The following DLG2 variants were observed in gnomAD, a reference collection of about 807,000 sequenced individuals.
The protein encoded by DLG2 is disks large homolog 2.
Under a neutral mutation model 132.5 loss-of-function variants are expected in DLG2, and 45 were observed. The ratio of observed to expected loss-of-function variants is 0.34; its 90% confidence interval spans 0.27 to 0.44. The LOEUF is 0.44. DLG2 is among the 20% of genes least tolerant of loss of function. DLG2 has a pLI of 1.00. For synonymous variants in DLG2, 424 were observed against 419.6 expected (o/e 1.01, Z -0.13); for missense variants, 1,045 against 1,196.9 (o/e 0.87, Z 1.87).
At chr11:85,067,779 G>A (rs2065149735) in intron 6 of DLG2, among the ~76,000 whole-genome samples, 1 of 151,986 alleles carries the variant, frequency 6.6e-6, no homozygotes, top group East Asian at 1.9e-4. Flanking sequence ...GAAAAAGAGG[G>A]AATCCTCCCT....
intron 5 of DLG2, among the ~76,000 whole-genome samples, chr11:85,142,595 C>T (rs1002270137): frequency 6.6e-6 from 1 of 151,662 alleles, no homozygotes; most frequent in African/African-American, 2.4e-5. Flanking sequence ...ACTTCCAGTG[C>T]TATATTGAAT....
chr11:85,239,381 A>G (rs1465928638), intron 4 of DLG2, among the ~76,000 whole-genome samples: 1 of 152,070 alleles, frequency 6.6e-6, no homozygotes, highest in Non-Finnish European at 1.5e-5. Flanking sequence ...AGTTTTTTAT[A>G]AAAGATTTCT....
chr11:84,401,328 C>G (rs2098828658), intron 7 of DLG2, among the ~76,000 whole-genome samples: 1 of 152,140 alleles, frequency 6.6e-6, no homozygotes, highest in South Asian at 2.1e-4. Context: ...TTATTATACA[C>G]TTTTCACAAC....
chr11:83,785,984 T>C (rs1410760764), intron 18 of DLG2, among the ~76,000 whole-genome samples: 1 of 152,216 alleles, frequency 6.6e-6, no homozygotes, highest in Admixed American at 6.5e-5. Flanking sequence ...GTACGTTTCA[T>C]TTCCAAAGGA....
chr11:84,862,794 G>A (rs1467482643), intron 6 of DLG2, among the ~76,000 whole-genome samples: 1 of 120,868 alleles, frequency 8.3e-6, no homozygotes, highest in African/African-American at 3.1e-5. Context: ...ACAGGGAGGG[G>A]GACATCACAC....
chr11:83,504,139 A>G (rs2094580511), intron 21 of DLG2, among the ~76,000 whole-genome samples: 1 of 152,236 alleles, frequency 6.6e-6, no homozygotes, highest in Admixed American at 6.5e-5. Context: ...CAAAAGAAGG[A>G]GGAAATCCTT....
chr11:83,881,701 T>A (rs1215806308), intron 15 of DLG2, among the ~76,000 whole-genome samples: 3 of 152,148 alleles, frequency 2.0e-5, no homozygotes, highest in African/African-American at 7.2e-5. Flanking sequence ...CAGACCAATG[T>A]CCACAGCAAG....
intron 10 of DLG2, among the ~76,000 whole-genome samples, chr11:84,095,579 A>G (rs977626421): frequency 2.0e-5 from 3 of 152,156 alleles, no homozygotes; most frequent in African/African-American, 7.2e-5. Context: ...AGTTGAGGCG[A>G]TGGTGTTACT....
chr11:85,596,239 A>T lies in DLG2; in HGVS notation c.40+2418T>A, dbSNP rs7935017. ...CCCATCTCTACAAAAAATACAAAAA[A>T]TTAGCCAGGTGTGGCAGCACGCACC... On this transcript the variant is annotated intron_variant, in intron 3 of 27. Transcript: ENST00000376104. Among the ~76,000 whole-genome samples the T allele has an allele frequency of 9.1e-3, 1,381 of 152,254 alleles. 19 individuals are homozygous for T. The highest frequency in any genetic ancestry group is 0.03 in the African/African-American group (1,231 of 41,546).
intron 2 of DLG2, among the ~76,000 whole-genome samples, chr11:85,607,467 G>A (rs1193611523): frequency 6.6e-6 from 1 of 152,108 alleles, no homozygotes; most frequent in Non-Finnish European, 1.5e-5. Context: ...CTTGCCCCCG[G>A]GTCCTAACGC....
chr11:84,967,973 TG>T (rs1347582857), intron 6 of DLG2, among the ~76,000 whole-genome samples: 4 of 152,052 alleles, frequency 2.6e-5, no homozygotes, highest in South Asian at 2.1e-4. Flanking sequence ...AGCCAATAAA[TG>T]GAAACCATAT....
chr11:85,614,857 C>T (rs1336304220), intron 2 of DLG2, among the ~76,000 whole-genome samples: 1 of 152,176 alleles, frequency 6.6e-6, no homozygotes, highest in African/African-American at 2.4e-5. Context: ...CCCAAGGCTA[C>T]ATAACAGTAA....
chr11:85,517,464 T>C (rs2094191858), intron 3 of DLG2, among the ~76,000 whole-genome samples: 2 of 151,728 alleles, frequency 1.3e-5, no homozygotes, highest in South Asian at 2.1e-4. Flanking sequence ...ATAAACAGCA[T>C]CCAAATTGAA....
intron 17 of DLG2, among the ~76,000 whole-genome samples, chr11:83,810,475 T>C (rs1263301450): frequency 2.0e-5 from 3 of 152,046 alleles, no homozygotes; most frequent in Non-Finnish European, 4.4e-5. Flanking sequence ...AATCCAGGGA[T>C]AGGTATATTT....
intron 9 of DLG2, among the ~76,000 whole-genome samples, chr11:84,124,622 C>G (rs2094080498): frequency 6.6e-6 from 1 of 152,114 alleles, no homozygotes; most frequent in Non-Finnish European, 1.5e-5. Flanking sequence ...TTACCATAAA[C>G]TTGACAATAG....
intron 6 of DLG2, among the ~76,000 whole-genome samples, chr11:85,001,824 G>A (rs1047549890): frequency 2.0e-5 from 3 of 152,146 alleles, no homozygotes; most frequent in Non-Finnish European, 2.9e-5. Context: ...CTCAGGTGAG[G>A]GATGTTAATC....
At chr11:84,497,165 G>T (rs1180274702) in intron 7 of DLG2, among the ~76,000 whole-genome samples, 1 of 152,098 alleles carries the variant, frequency 6.6e-6, no homozygotes, top group Non-Finnish European at 1.5e-5. Context: ...CATATAAGAT[G>T]TTCAATTAAT....
chr11:85,463,596 T>C (rs535981815), intron 3 of DLG2, among the ~76,000 whole-genome samples: 5 of 152,138 alleles, frequency 3.3e-5, no homozygotes, highest in East Asian at 1.9e-4. Flanking sequence ...CTGGGCTACA[T>C]AGTCTATAAA....
At chr11:85,246,153 A>G (rs1353674777) in intron 4 of DLG2, among the ~76,000 whole-genome samples, 1 of 152,028 alleles carries the variant, frequency 6.6e-6, no homozygotes, top group Non-Finnish European at 1.5e-5. Flanking sequence ...AGGTATCTTT[A>G]TTGATTTTGC....
Sources: allele counts gnomAD v4.1 joint callset (sites outside exome capture counted in the v4.1 genomes callset), GRCh38; gene constraint gnomAD v4.1.1; transcripts MANE v1.5; gene names NCBI Gene and HGNC (gene_info 2026-07-23, HGNC 2026-07-21).